KLHL1: variants seen among roughly 807,000 people sequenced by gnomAD.
KLHL1 encodes the protein kelch like family member 1, also known as kelch-like protein 1.
Under a neutral mutation model 77.7 loss-of-function variants are expected in KLHL1, and 47 were observed. That is an observed-to-expected ratio of 0.60 (90% CI 0.48 to 0.77). The LOEUF (loss-of-function observed/expected upper bound fraction) is 0.77. Ranked by LOEUF, KLHL1 falls within the 30% of genes least tolerant of loss-of-function variation. The probability of loss-of-function intolerance (pLI) is 0.00; values close to 1 mark genes in which losing one functional copy is unlikely to be tolerated. For synonymous variants in KLHL1, 360 were observed against 325.2 expected (o/e 1.11, Z -1.15); for missense variants, 925 against 910.8 (o/e 1.02, Z -0.20).
Position 69,923,443 on chromosome 13 carries a change from G to A in KLHL1, c.1014+16597C>T, listed in dbSNP as rs1446405069. 2.6e-5 allele frequency among the ~76,000 whole-genome samples: 4 copies of A among 152,160 alleles called. No homozygotes were observed. In the East Asian group the frequency reaches 7.7e-4, roughly 29 times the overall value. ...CTAAAGTTCTTGTCTTCTTGAAATTGCAGGGAAAGCACAGAATACTACAGA... is the reference window on the plus strand; with the variant it reads ...CTAAAGTTCTTGTCTTCTTGAAATTACAGGGAAAGCACAGAATACTACAGA... On this transcript the variant is annotated intron_variant, in intron 4 of 10. Coordinates refer to ENST00000377844, the MANE Select transcript of KLHL1 (RefSeq NM_020866.3).
At chr13:70,043,070 T>G (rs1179693742) in intron 1 of KLHL1, among the ~76,000 whole-genome samples, 2 of 152,096 alleles carry the variant, frequency 1.3e-5, no homozygotes, top group Non-Finnish European at 2.9e-5. Flanking sequence ...CACGCCCAAG[T>G]AATTTTGTAT....
At chr13:70,100,996 G>T (rs2137454409) in intron 1 of KLHL1, among the ~76,000 whole-genome samples, 1 of 151,930 alleles carries the variant, frequency 6.6e-6, no homozygotes, top group African/African-American at 2.4e-5. Flanking sequence ...AAGTGTTCTT[G>T]GTCAAAAATA....
intron 5 of KLHL1, among the ~76,000 whole-genome samples, chr13:69,856,216 C>T (rs1593892096): frequency 6.6e-6 from 1 of 151,458 alleles, no homozygotes; most frequent in East Asian, 1.9e-4. Context: ...TTAAAAAAAT[C>T]TTCCTTCATT....
chr13:69,926,148 G>A (rs543495342), intron 4 of KLHL1, among the ~76,000 whole-genome samples: 32 of 152,110 alleles, frequency 2.1e-4, no homozygotes, highest in Admixed American at 1.6e-3. Flanking sequence ...ACAGCTGTTC[G>A]GTTTGATTTA....
intron 5 of KLHL1, among the ~76,000 whole-genome samples, chr13:69,847,827 G>T (rs2911512): frequency 0.98 from 148,979 of 151,618 alleles, 73,242 homozygotes; most frequent in East Asian, 1. Flanking sequence ...CAGTTTCATA[G>T]CTTGCCTTTC....
At chr13:70,022,150 T>C (rs1053831368) in intron 1 of KLHL1, among the ~76,000 whole-genome samples, 5 of 151,926 alleles carry the variant, frequency 3.3e-5, no homozygotes, top group African/African-American at 1.2e-4. Context: ...CTATCAATTT[T>C]GGGGGAGGGT....
At chr13:69,921,338 TG>T (rs1395083151) in intron 4 of KLHL1, among the ~76,000 whole-genome samples, 1 of 152,228 alleles carries the variant, frequency 6.6e-6, no homozygotes, top group Admixed American at 6.5e-5. Context: ...AGTGCCATAA[TG>T]GGATTCTATC....
chr13:69,725,648 T>C (rs1873262010), intron 8 of KLHL1, among the ~76,000 whole-genome samples: 1 of 128,000 alleles, frequency 7.8e-6, no homozygotes, highest in South Asian at 2.2e-4. Flanking sequence ...CTATGTGTTA[T>C]AATAGTAGCA....
intron 5 of KLHL1, among the ~76,000 whole-genome samples, chr13:69,871,224 A>G (rs1880571578): frequency 6.6e-6 from 1 of 151,984 alleles, no homozygotes; most frequent in African/African-American, 2.4e-5. Flanking sequence ...GGTCCTTTAA[A>G]CCACAGCTGG....
intron 5 of KLHL1, among the ~76,000 whole-genome samples, chr13:69,869,561 C>T (rs1398083077): frequency 2.0e-5 from 3 of 151,902 alleles, no homozygotes; most frequent in East Asian, 1.9e-4. Flanking sequence ...TTTGGGTGAC[C>T]TCTAGGTCTC....
chr13:70,064,348 G>A (rs1052002839), intron 1 of KLHL1, among the ~76,000 whole-genome samples: 1 of 152,106 alleles, frequency 6.6e-6, no homozygotes, highest in Non-Finnish European at 1.5e-5. Flanking sequence ...TGTGAATAGG[G>A]AAATCAATGA....
At chr13:69,805,184 C>T (rs1034460480) in intron 6 of KLHL1, among the ~76,000 whole-genome samples, 14 of 151,562 alleles carry the variant, frequency 9.2e-5, no homozygotes, top group Non-Finnish European at 4.4e-5. Context: ...TCCAAATGTG[C>T]CAAATAAGCA....
At chr13:70,092,577 C>T (rs1014419960) in intron 1 of KLHL1, among the ~76,000 whole-genome samples, 3 of 152,044 alleles carry the variant, frequency 2.0e-5, no homozygotes, top group Non-Finnish European at 1.5e-5. Context: ...TGAAAAATAG[C>T]ACTTGATATT....
At chr13:69,717,567 A>G (rs9317838) in intron 9 of KLHL1, among the ~76,000 whole-genome samples, 51,747 of 151,976 alleles carry the variant, frequency 0.34, 8,977 homozygotes, top group Non-Finnish European at 0.37. Flanking sequence ...TTATGCCTCT[A>G]TTCACAAACA....
intron 6 of KLHL1, among the ~76,000 whole-genome samples, chr13:69,797,236 G>A (rs763009999): frequency 3.3e-5 from 5 of 152,146 alleles, no homozygotes; most frequent in Non-Finnish European, 7.3e-5. Flanking sequence ...ACATTGGTGA[G>A]CATGACCCAG....
chr13:70,106,184 A>C (rs1481745277), intron 1 of KLHL1, among the ~76,000 whole-genome samples: 1 of 151,804 alleles, frequency 6.6e-6, no homozygotes, highest in African/African-American at 2.4e-5. Flanking sequence ...CAAAAGACTA[A>C]AAAAGATGCT....
At chr13:69,780,747 T>TATAC (rs1876139881) in intron 7 of KLHL1, among the ~76,000 whole-genome samples, 1 of 95,670 alleles carries the variant, frequency 1.0e-5, no homozygotes, top group Non-Finnish European at 2.1e-5. Context: ...TATATATACA[T>TATAC]ATATATATAT....
intron 10 of KLHL1, 72 bp from the exon 11 acceptor site, chr13:69,701,833 T>G (rs1875410365): frequency 9.2e-7 from 1 of 1,082,142 alleles, no homozygotes; most frequent in Non-Finnish European, 1.3e-6. Flanking sequence ...TTTTAAAAGA[T>G]TATCTACATG....
intron 4 of KLHL1, among the ~76,000 whole-genome samples, chr13:69,889,006 C>A (rs562888931): frequency 1.3e-5 from 2 of 151,732 alleles, no homozygotes; most frequent in East Asian, 3.9e-4. Context: ...TCCAGGTGAG[C>A]ACCTTAAGAG....
Sources: allele counts gnomAD v4.1 joint callset (sites outside exome capture counted in the v4.1 genomes callset), GRCh38; gene constraint gnomAD v4.1.1; transcripts MANE v1.5; gene names NCBI Gene and HGNC (gene_info 2026-07-23, HGNC 2026-07-21).